SMARCA2: variants seen among roughly 807,000 people sequenced by gnomAD.
The protein encoded by SMARCA2 is SWI/SNF-related matrix-associated actin-dependent regulator of chromatin subfamily A member 2.
SMARCA2 carries 61 observed loss-of-function variants against 199.8 expected under a neutral mutation model. The ratio of observed to expected loss-of-function variants is 0.31; its 90% CI spans 0.25 to 0.38. The LOEUF (loss-of-function observed/expected upper bound fraction) is 0.38, where lower values mean the gene tolerates loss of function less well. SMARCA2 is among the 10% of genes least tolerant of loss of function. The probability of loss-of-function intolerance (pLI) is 1.00; values close to 1 mark genes in which losing one functional copy is unlikely to be tolerated. For synonymous variants in SMARCA2, 935 were observed against 732.0 expected, an observed-to-expected ratio of 1.28 and a Z score of -4.48; for missense variants, 1,344 against 2,012.2, an observed-to-expected ratio of 0.67 and a Z score of 6.35.
intron 17 of SMARCA2, among the ~76,000 whole-genome samples, chr9:2,084,489 C>T (rs1400111675): frequency 1.3e-5 from 2 of 151,346 alleles, no homozygotes; most frequent in Non-Finnish European, 2.9e-5. Flanking sequence ...TAAAAAAATT[C>T]ACCTGGTTGC....
intron 24 of SMARCA2, among the ~76,000 whole-genome samples, chr9:2,111,034 C>G (rs956694186): frequency 4.8e-5 from 7 of 145,582 alleles, no homozygotes; most frequent in African/African-American, 1.8e-4. Flanking sequence ...TAAAGCAGTA[C>G]TTTGATGTTT....
In SMARCA2 at chr9:2,170,417, A is replaced by T; in HGVS notation, c.4200-2A>T. 1.2e-6 allele frequency: 2 copies of T among 1,614,142 alleles called. No homozygotes were observed. The highest frequency in any genetic ancestry group is 1.7e-6 in the Non-Finnish European group (2 of 1,179,988). On this transcript the variant is annotated splice_acceptor_variant, in intron 28 of 33. Coordinates refer to ENST00000349721, the MANE Select transcript of SMARCA2 (RefSeq NM_003070.5). LOFTEE classifies it high-confidence loss of function. This position sits in a 1 kb window ranked among gnomAD's most constrained non-coding sequence, Gnocchi z 4.7. ...TCTAGTGTTCTTTCTACTCTACCGC[A>T]GGTGTAACGTGGAGAAGGTGCCCAG...
At chr9:2,029,314 C>T (rs557437093) in intron 2 of SMARCA2, 67 bp downstream of exon 2, 1 of 1,549,690 alleles carries the variant, frequency 6.5e-7, no homozygotes, top group Non-Finnish European at 8.7e-7. Flanking sequence ...TCTGATAACC[C>T]CATCCCCCTT....
At chr9:2,047,201 A>C (rs1586644666) in intron 4 of SMARCA2, 28 bp from the exon 5 acceptor site, 12 of 1,012,050 alleles carry the variant, frequency 1.2e-5, no homozygotes, top group Non-Finnish European at 1.4e-5. Flanking sequence ...GTCCCGCCCG[A>C]GCTGCCCATG....
At chr9:2,034,116 A>T (rs181821768) in intron 3 of SMARCA2, among the ~76,000 whole-genome samples, 2 of 152,154 alleles carry the variant, frequency 1.3e-5, no homozygotes, top group East Asian at 3.9e-4. Context: ...GTGGTGGCAC[A>T]TGCCTGTAGT....
chr9:2,138,816 C>T (rs1586744477), intron 27 of SMARCA2, among the ~76,000 whole-genome samples: 1 of 152,128 alleles, frequency 6.6e-6, no homozygotes, highest in African/African-American at 2.4e-5. Context: ...CTTTGGCGGC[C>T]CTAGAAAGAA....
chr9:2,020,858 A>T (rs1818570995), intron 1 of SMARCA2, among the ~76,000 whole-genome samples: 1 of 152,188 alleles, frequency 6.6e-6, no homozygotes, highest in Admixed American at 6.5e-5. Context: ...ATTAATTTAC[A>T]CATTTGGAGT....
At chr9:2,130,278 C>T (rs1425409674) in intron 27 of SMARCA2, among the ~76,000 whole-genome samples, 3 of 152,246 alleles carry the variant, frequency 2.0e-5, no homozygotes, top group Admixed American at 2.0e-4. Flanking sequence ...TACGTGGCAA[C>T]TTCCTGTTCC....
chr9:2,078,772 G>A (rs936086035), intron 14 of SMARCA2, among the ~76,000 whole-genome samples: 8 of 151,402 alleles, frequency 5.3e-5, no homozygotes, highest in Admixed American at 4.6e-4. Context: ...GTGAAACCCT[G>A]TCTCTACTAA....
chr9:2,100,312 T>C lies in SMARCA2; in HGVS notation c.3079-1258T>C, dbSNP rs563445642. ...AGGACGGAGTTATGTGATTACGTTC[T>C]GTATTCTGAAAACAGAAGCTGGACA... On this transcript the variant is annotated intron_variant, in intron 21 of 33. Coordinates refer to ENST00000349721, the MANE Select transcript of SMARCA2 (RefSeq NM_003070.5). Among the ~76,000 whole-genome samples, 11 of 152,368 alleles carry C rather than the reference T, an allele frequency of 7.2e-5. No homozygotes were observed. In the South Asian group the frequency reaches 8.3e-4, roughly 11 times the overall value.
At chr9:2,067,010 A>G (rs531875939) in intron 9 of SMARCA2, among the ~76,000 whole-genome samples, 3 of 152,334 alleles carry the variant, frequency 2.0e-5, no homozygotes, top group African/African-American at 4.8e-5. Context: ...CCAACCAGCA[A>G]TGTCATCAAA....
rs1821799279 is a variant in SMARCA2 at position 2,086,246 on chromosome 9, A to G, written c.2527-583A>G. On this transcript the variant is annotated intron_variant, in intron 17 of 33. Coordinates refer to ENST00000349721, the MANE Select transcript of SMARCA2 (RefSeq NM_003070.5). The surrounding 1 kb of genome is among the most constrained non-coding windows in gnomAD (Gnocchi z 4.3). ...TACAAATTTAATGTGAAATAGTCCA[A>G]CTTTTAAATGTTAGCAACCAGTCCA... is the stretch of plus-strand genomic sequence containing the variant. The G allele has an allele frequency of 6.5e-6, 1 of 153,878 alleles. No homozygotes were observed. Among genetic ancestry groups the G allele is most frequent in the Non-Finnish European group, 1.4e-5 (1 of 69,236 alleles). The allele number at this position is 153,878 out of a possible 1,614,324, so 9.5% of individuals were successfully genotyped here.
At chr9:2,153,797 C>T (rs1301005102) in intron 27 of SMARCA2, among the ~76,000 whole-genome samples, 3 of 151,588 alleles carry the variant, frequency 2.0e-5, no homozygotes, top group East Asian at 1.9e-4. Context: ...TGGTTCCACA[C>T]GTCTATGCAA....
intron 29 of SMARCA2, among the ~76,000 whole-genome samples, chr9:2,172,607 C>T (rs907305789): frequency 9.2e-5 from 14 of 152,078 alleles, no homozygotes; most frequent in Non-Finnish European, 1.5e-4. Context: ...GAACAGATCC[C>T]GGAGGGCCTT....
intron 29 of SMARCA2, among the ~76,000 whole-genome samples, chr9:2,179,140 G>A (rs1826832992): frequency 6.6e-6 from 1 of 152,144 alleles, no homozygotes; most frequent in Non-Finnish European, 1.5e-5. Flanking sequence ...CTGGAGACCT[G>A]GAATGGGTCA....
At chr9:2,112,970 T>C (rs1351871447) in intron 24 of SMARCA2, among the ~76,000 whole-genome samples, 3 of 152,154 alleles carry the variant, frequency 2.0e-5, no homozygotes, top group Non-Finnish European at 4.4e-5. Flanking sequence ...TTCACACCCA[T>C]GTCTGTTTAG....
At chr9:2,077,874 A>T in intron 14 of SMARCA2, 98 bp downstream of exon 14, 1 of 1,127,244 alleles carries the variant, frequency 8.9e-7, no homozygotes, top group Admixed American at 2.2e-5. Context: ...GCTTTTGATG[A>T]TATTTTAGGC....
intron 19 of SMARCA2, among the ~76,000 whole-genome samples, chr9:2,095,210 T>C (rs960835840): frequency 4.0e-5 from 6 of 151,888 alleles, no homozygotes; most frequent in Admixed American, 1.3e-4. Context: ...CTCAGCTTCC[T>C]GAGTAGCTGG....
intron 5 of SMARCA2, among the ~76,000 whole-genome samples, chr9:2,050,199 C>G (rs968645820): frequency 6.6e-6 from 1 of 152,162 alleles, no homozygotes; most frequent in Non-Finnish European, 1.5e-5. Flanking sequence ...CAGCTCTGTA[C>G]AAGCTCTCTA....
Sources: allele counts gnomAD v4.1 joint callset (sites outside exome capture counted in the v4.1 genomes callset), GRCh38; gene constraint gnomAD v4.1.1; non-coding constraint Gnocchi (gnomAD v3.1); transcripts MANE v1.5; gene names NCBI Gene and HGNC (gene_info 2026-07-23, HGNC 2026-07-21).